DNAH7: variants seen among roughly 807,000 people sequenced by gnomAD.
DNAH7 encodes dynein axonemal heavy chain 7.
A neutral mutation model predicts 444.6 loss-of-function variants in DNAH7; 397 were observed. The observed-to-expected ratio is 0.89, with a 90% CI of 0.82 to 0.97. The LOEUF is 0.97. Ranked by LOEUF, DNAH7 falls within the 50% of genes least tolerant of loss-of-function variation. DNAH7 has a pLI of 0.00. For synonymous variants in DNAH7, 1,636 were observed against 1,624.4 expected (o/e 1.01, Z -0.17); for missense variants, 4,902 against 4,800.8 (o/e 1.02, Z -0.62).
intron 12 of DNAH7, chr2:195,998,862 T>A (rs1221915339): frequency 2.4e-6 from 1 of 412,788 alleles, no homozygotes; most frequent in Non-Finnish European, 4.3e-6. Flanking sequence ...GCTGACTTTA[T>A]CTTTTATAAC....
At chr2:195,954,484 A>C (rs550449609) in intron 19 of DNAH7, among the ~76,000 whole-genome samples, 11 of 152,358 alleles carry the variant, frequency 7.2e-5, no homozygotes, top group Non-Finnish European at 1.5e-4. Context: ...GCCACAATAA[A>C]CATACATATG....
rs1365539221 is a variant in DNAH7, at chr2:195,778,618, G to GGAAAAAAAA, written c.10879-634_10879-633insTTTTTTTTC. On this transcript the variant is annotated intron_variant, in intron 58 of 64. Transcript: ENST00000312428. ...TGGGTGACAGAGCAAGACCCTGTCTGAAAAAAAAAAAAAATAAATAAATAA... is the reference window on the plus strand; with the variant it reads ...TGGGTGACAGAGCAAGACCCTGTCTGGAAAAAAAAAAAAAAAAAAAAAATAAATAAATAA... Among the ~76,000 whole-genome samples the GGAAAAAAAA allele has an allele frequency of 1.9e-3, 42 of 21,768 alleles. 4 individuals are homozygous for GGAAAAAAAA. Among genetic ancestry groups the GGAAAAAAAA allele is most frequent in the African/African-American group, 5.2e-3 (26 of 4,958 alleles). 14.3% of individuals were successfully genotyped at this position (21,768 alleles called of 152,430 possible).
chr2:196,038,365 C>A lies in DNAH7; in HGVS notation c.398+8987G>T, dbSNP rs1030507741. Among the ~76,000 whole-genome samples, 3 of 151,984 alleles carry A rather than the reference C, an allele frequency of 2.0e-5. No individual in the cohort carries two copies. In the East Asian group the frequency reaches 5.8e-4, roughly 29 times the overall value. On this transcript the variant is annotated intron_variant, in intron 5 of 64. Coordinates refer to ENST00000312428, the MANE Select transcript of DNAH7 (RefSeq NM_018897.3). The stretch of plus-strand genomic sequence containing the variant: ...AGATACACAAATGAGAAAAAGGAGT[C>A]AAGCAATACTTTATAGAAGAACACC...
At chr2:195,830,682 G>GA (rs977471244) in intron 48 of DNAH7, among the ~76,000 whole-genome samples, 2 of 152,186 alleles carry the variant, frequency 1.3e-5, no homozygotes, top group African/African-American at 4.8e-5. Context: ...TTAAAGGATG[G>GA]AATTTAAAGG....
intron 12 of DNAH7, among the ~76,000 whole-genome samples, chr2:195,999,463 A>C (rs1173229361): frequency 6.6e-6 from 1 of 152,180 alleles, no homozygotes; most frequent in African/African-American, 2.4e-5. Flanking sequence ...GTCCTCAAAG[A>C]CTTTTTTCAT....
chr2:195,895,237 G>T lies in DNAH7; in HGVS notation c.4648-13C>A. The stretch of plus-strand genomic sequence containing the variant: ...CCGAAGTAATTCCCTGATGATAGAT[G>T]ATTTGAAGGATTTACATTTTATATA... On this transcript the variant is annotated splice_polypyrimidine_tract_variant and intron_variant, in intron 29 of 64. Coordinates refer to ENST00000312428, the MANE Select transcript of DNAH7 (RefSeq NM_018897.3). The T allele has an allele frequency of 6.4e-7, 1 of 1,561,238 alleles. No individual in the cohort carries two copies. Among genetic ancestry groups the T allele is most frequent in the South Asian group, 1.2e-5 (1 of 84,090 alleles).
chr2:195,868,161 T>C (rs966545679), intron 40 of DNAH7, among the ~76,000 whole-genome samples: 11 of 146,282 alleles, frequency 7.5e-5, no homozygotes, highest in African/African-American at 2.8e-4. Context: ...AGTGGTGCGA[T>C]CTCGGCTCAC....
At chr2:195,910,471 T>A (rs1319946735) in intron 24 of DNAH7, among the ~76,000 whole-genome samples, 1 of 152,178 alleles carries the variant, frequency 6.6e-6, no homozygotes. Flanking sequence ...TTCAGTTGAC[T>A]TTGAATCCCC....
chr2:195,806,161 G>C (rs1360247751), intron 54 of DNAH7, among the ~76,000 whole-genome samples: 1 of 151,594 alleles, frequency 6.6e-6, no homozygotes, highest in Non-Finnish European at 1.5e-5. Flanking sequence ...AATATTCATA[G>C]GTGAATTTTT....
chr2:195,955,734 A>T (rs1204392927), intron 19 of DNAH7, among the ~76,000 whole-genome samples: 2 of 152,176 alleles, frequency 1.3e-5, no homozygotes, highest in Middle Eastern at 3.2e-3. Context: ...TTACATATTT[A>T]AAAAGAATTT....
chr2:195,989,163 T>C (rs1234013399), intron 12 of DNAH7, among the ~76,000 whole-genome samples: 4 of 152,350 alleles, frequency 2.6e-5, no homozygotes, highest in East Asian at 1.9e-4. Flanking sequence ...TGCAAATAGC[T>C]CTTCAACATA....
At position 195,940,644 on chromosome 2, in the gene DNAH7, T is replaced by C. The variant is rs188813411; in HGVS notation, c.3079-3852A>G. Among the ~76,000 whole-genome samples the C allele has an allele frequency of 1.5e-3, 229 of 151,994 alleles. 1 individual carries two copies. The highest frequency in any genetic ancestry group is 5.1e-3 in the African/African-American group (210 of 41,442). On this transcript the variant is annotated intron_variant, in intron 19 of 64. Transcript: ENST00000312428. ...ATCTATCCATCTGACAAAGGGCTAATATCCAGAATCTACAAGGAACTTAAG... is the reference window on the plus strand; with the variant it reads ...ATCTATCCATCTGACAAAGGGCTAACATCCAGAATCTACAAGGAACTTAAG...
chr2:195,935,250 AAATCAACT>A (rs1370303804), intron 20 of DNAH7, among the ~76,000 whole-genome samples: 1 of 152,232 alleles, frequency 6.6e-6, no homozygotes. Context: ...ACAGTTTACT[AAATCAACT>A]GCGTTGACAG....
At chr2:195,884,223 A>G (rs1701578460) in intron 35 of DNAH7, among the ~76,000 whole-genome samples, 1 of 152,244 alleles carries the variant, frequency 6.6e-6, no homozygotes, top group African/African-American at 2.4e-5. Context: ...AGGACTTCTT[A>G]GTGCCTAGTA....
In DNAH7 at chr2:195,756,252, C is replaced by T. The variant is rs1219265645; in HGVS notation, c.11467G>A (p.Val3823Met). ...TTGACATTCAAAATGCTGCTAACCA[C>T]TTCTTCAAGATCTGTAGACATGACT... ...LAVMSTDLEE[V>M]VSSILNVKIP... Residue 3823 changes from valine (V) to methionine (M), a missense_variant, in exon 62 of 65, where the codon GTG (valine) becomes ATG (methionine). By Grantham distance (21) the Val-to-Met change is conservative. Coordinates refer to ENST00000312428, the MANE Select transcript of DNAH7 (RefSeq NM_018897.3). The T allele has an allele frequency of 6.2e-7, 1 of 1,613,514 alleles. No homozygotes were observed. Among genetic ancestry groups the T allele is most frequent in the East Asian group, 2.2e-5 (1 of 44,848 alleles).
chr2:195,923,642 C>G lies in DNAH7; in HGVS notation c.3778G>C (p.Asp1260His). 18 of 1,614,084 alleles carry G rather than the reference C, an allele frequency of 1.1e-5. No homozygotes were observed. Among genetic ancestry groups the G allele is most frequent in the Non-Finnish European group, 1.5e-5 (18 of 1,180,002 alleles). Residue 1260 changes from aspartate to histidine, a missense_variant, in exon 23 of 65, where the codon GAT (aspartate) becomes CAT (histidine). Transcript: ENST00000312428. ...CTTAACCATTCAAAGTCAGAGTCAT[C>G]GCTAATATTTTTTTTTACAAGTGAT... ...LSSLVKKNIS[D>H]DSDFEWLSQL...
At chr2:196,032,889 G>A (rs1696144345) in intron 5 of DNAH7, among the ~76,000 whole-genome samples, 1 of 152,110 alleles carries the variant, frequency 6.6e-6, no homozygotes, top group South Asian at 2.1e-4. Flanking sequence ...ATCAGATCCA[G>A]CAACATATTA....
chr2:195,759,246 C>T (rs1469611572), intron 61 of DNAH7, among the ~76,000 whole-genome samples: 1 of 152,172 alleles, frequency 6.6e-6, no homozygotes, highest in Non-Finnish European at 1.5e-5. Flanking sequence ...CTGGGGTCCA[C>T]ATTCTAAGCC....
In DNAH7 at chr2:196,012,864, C is replaced by A; in HGVS notation, c.912G>T (p.Gln304His). ...GAAAACTTGACAGCTCTAATGCATC[C>A]TGGCAATTATGAAATTCTTTGATAT... is the stretch of plus-strand genomic sequence containing the variant. ...LVDIKEFHNC[Q>H]DALELSSFQN... The change falls in exon 10 of 65, where the codon CAG becomes CAT. Residue 304 changes from glutamine (Q) to histidine (H), a missense_variant. Transcript: ENST00000312428. 1 of 1,537,240 alleles carries A rather than the reference C, an allele frequency of 6.5e-7. No homozygotes were observed. The highest frequency in any genetic ancestry group is 8.7e-7 in the Non-Finnish European group (1 of 1,143,850).
Sources: allele counts gnomAD v4.1 joint callset (sites outside exome capture counted in the v4.1 genomes callset), GRCh38; gene constraint gnomAD v4.1.1; transcripts MANE v1.5; gene names NCBI Gene and HGNC (gene_info 2026-07-23, HGNC 2026-07-21).